Variants in FIRRM observed in about 807,000 individuals in gnomAD.
FIRRM encodes the protein FIGNL1-interacting regulator of recombination and mitosis.
At chr1:169,831,762 T>G in the FIRRM span, among the ~76,000 whole-genome samples, 1 of 152,174 alleles carries the variant, frequency 6.6e-6, no homozygotes, top group Admixed American at 6.5e-5. Flanking sequence ...TTAGTGGTGG[T>G]TTTTTTCTTA....
chr1:169,837,081 G>A, the FIRRM span: 1 of 1,592,142 alleles, frequency 6.3e-7, no homozygotes, highest in Admixed American at 1.9e-5. Flanking sequence ...TGGCTGAGCA[G>A]GAGTCGTACT....
At chr1:169,807,958 C>G in the FIRRM span, 1 of 1,588,072 alleles carries the variant, frequency 6.3e-7, no homozygotes, top group Non-Finnish European at 8.5e-7. Context: ...GCATTTTAAA[C>G]AGCAACTCTT....
chr1:169,827,860 C>G, the FIRRM span: 1 of 1,612,554 alleles, frequency 6.2e-7, no homozygotes, highest in Non-Finnish European at 8.5e-7. Flanking sequence ...ATGTTTTTAT[C>G]CAGTCATATT....
chr1:169,802,598 T>G, the FIRRM span: 4 of 1,479,090 alleles, frequency 2.7e-6, no homozygotes, highest in Non-Finnish European at 3.8e-6. Context: ...TATTCCTGTT[T>G]ATTACTTGAT....
the FIRRM span, among the ~76,000 whole-genome samples, chr1:169,838,261 T>C: frequency 6.6e-6 from 1 of 152,112 alleles, no homozygotes; most frequent in Non-Finnish European, 1.5e-5. Context: ...AATGTTTTTA[T>C]GTGACTTTAT....
At chr1:169,853,107 T>C in the FIRRM span, 2 of 918,938 alleles carry the variant, frequency 2.2e-6, no homozygotes, top group Non-Finnish European at 3.3e-6. Context: ...AAATAATCTT[T>C]ATTTGACATT....
the FIRRM span, among the ~76,000 whole-genome samples, chr1:169,820,424 C>T: frequency 6.6e-6 from 1 of 152,174 alleles, no homozygotes; most frequent in Non-Finnish European, 1.5e-5. Context: ...TCCTGTCACC[C>T]ACAGCCGTCA....
the FIRRM span, among the ~76,000 whole-genome samples, chr1:169,822,799 C>T: frequency 3.3e-5 from 5 of 152,058 alleles, no homozygotes; most frequent in African/African-American, 7.2e-5. Context: ...TGTGCCCGGT[C>T]GACAACTTTT....
the FIRRM span, among the ~76,000 whole-genome samples, chr1:169,845,591 G>C: frequency 6.6e-6 from 1 of 152,136 alleles, no homozygotes; most frequent in African/African-American, 2.4e-5. Flanking sequence ...TAAATTCTTT[G>C]TTTTCATTTC....
chr1:169,825,183 T>C, the FIRRM span, among the ~76,000 whole-genome samples: 1 of 152,226 alleles, frequency 6.6e-6, no homozygotes, highest in Non-Finnish European at 1.5e-5. Context: ...CAAAAAACTT[T>C]CTATCTTTGC....
the FIRRM span, chr1:169,827,028 G>C: frequency 6.2e-7 from 1 of 1,604,854 alleles, no homozygotes; most frequent in South Asian, 1.1e-5. Flanking sequence ...TAATGAATGA[G>C]TTTTTTTTCT....
chr1:169,803,543 AAAG>A, the FIRRM span, among the ~76,000 whole-genome samples: 1 of 151,902 alleles, frequency 6.6e-6, no homozygotes, highest in Non-Finnish European at 1.5e-5. Flanking sequence ...CTCTATAAAG[AAAG>A]AAGTTTTAAG....
chr1:169,808,050 G>GTTT, the FIRRM span: 3 of 921,154 alleles, frequency 3.3e-6, no homozygotes, highest in South Asian at 1.7e-5. Flanking sequence ...TCATTTGGGT[G>GTTT]TTTTTTTTTG....
At chr1:169,800,172 C>T in the FIRRM span, among the ~76,000 whole-genome samples, 4 of 152,114 alleles carry the variant, frequency 2.6e-5, no homozygotes, top group Admixed American at 6.5e-5. Flanking sequence ...TAGCTGAGAC[C>T]GCAGGTGCGT....
chr1:169,803,103 GCTGA>G, the FIRRM span: 2 of 1,448,126 alleles, frequency 1.4e-6, no homozygotes, highest in Non-Finnish European at 1.9e-6. Flanking sequence ...CACCCAGCAT[GCTGA>G]CTAATACCTT....
the FIRRM span, among the ~76,000 whole-genome samples, chr1:169,848,623 C>T: frequency 1.3e-3 from 201 of 152,302 alleles, no homozygotes; most frequent in African/African-American, 4.6e-3. Flanking sequence ...GGTTTTATTT[C>T]ATGAGATAAG....
the FIRRM span, chr1:169,850,062 A>T: frequency 7.0e-6 from 4 of 568,510 alleles, no homozygotes; most frequent in South Asian, 9.0e-5. Flanking sequence ...AGAAGTAATT[A>T]AAGCTTACAA....
At chr1:169,798,285 T>C in the FIRRM span, among the ~76,000 whole-genome samples, 2 of 151,786 alleles carry the variant, frequency 1.3e-5, no homozygotes, top group East Asian at 1.9e-4. Flanking sequence ...TCTCTTTTTT[T>C]TTTTTTTTGA....
the FIRRM span, among the ~76,000 whole-genome samples, chr1:169,814,839 A>T: frequency 6.6e-6 from 1 of 152,178 alleles, no homozygotes; most frequent in Non-Finnish European, 1.5e-5. Flanking sequence ...TTATCCTCGG[A>T]TTTTAGACCA....
Sources: gnomAD v4.1 joint callset for allele counts (sites outside exome capture counted in the v4.1 genomes callset) on GRCh38, gnomAD v4.1.1 for gene constraint, MANE v1.5 for transcripts, NCBI Gene and HGNC (gene_info 2026-07-23, HGNC 2026-07-21) for gene names.